ARHGEF4: variants seen among roughly 807,000 people sequenced by gnomAD.
ARHGEF4 encodes Rho guanine nucleotide exchange factor 4.
ARHGEF4 carries 119 observed loss-of-function variants against 162.0 expected under a neutral mutation model. That is an observed-to-expected ratio of 0.73 (90% CI 0.63 to 0.86). The LOEUF (loss-of-function observed/expected upper bound fraction) is 0.86. Ranked by LOEUF, ARHGEF4 falls within the 40% of genes least tolerant of loss-of-function variation. The pLI, the probability that ARHGEF4 is intolerant of heterozygous loss-of-function variation, is 0.00. For missense variants in ARHGEF4, 2,488 were observed against 2,456.0 expected, an observed-to-expected ratio of 1.01 and a Z score of -0.28; for synonymous variants, 1,014 against 979.9, an observed-to-expected ratio of 1.03 and a Z score of -0.65.
chr2:131,040,607 G>T (rs996642003), intron 8 of ARHGEF4, among the ~76,000 whole-genome samples, 167 bp downstream of exon 8: 1 of 152,216 alleles, frequency 6.6e-6, no homozygotes, highest in Admixed American at 6.5e-5. Context: ...ACAGTTTTAG[G>T]ATGGTCTCTG....
Position 131,045,456 on chromosome 2 carries a change from C to A in ARHGEF4, c.5479+10C>A, listed in dbSNP as rs773553420. The A allele has an allele frequency of 6.2e-7, 1 of 1,613,538 alleles. No homozygotes were observed. The highest frequency in any genetic ancestry group is 8.5e-7 in the Non-Finnish European group (1 of 1,179,992). On this transcript the variant is annotated intron_variant, in intron 13 of 13. Transcript: ENST00000409359. ...ACAGGGAAGCCCAAAGGTAGGCGGA[C>A]AGCAGCCCCACCTCCTCGGCTGCCC...
intron 4 of ARHGEF4, among the ~76,000 whole-genome samples, chr2:131,019,034 G>GT (rs1688930405): frequency 2.0e-5 from 3 of 152,020 alleles, no homozygotes; most frequent in Admixed American, 6.6e-5. Flanking sequence ...CTCCAACTTT[G>GT]TTTTTTTCAA....
intron 3 of ARHGEF4, 136 bp downstream of exon 3, chr2:130,931,393 C>T (rs1682625087): frequency 5.2e-6 from 5 of 959,458 alleles, no homozygotes; most frequent in Middle Eastern, 6.6e-4. Context: ...TGGATTACAG[C>T]ATGCTGCCTG....
Position 130,892,102 on chromosome 2 carries a change from C to T in ARHGEF4, c.40-21884C>T, listed in dbSNP as rs567298936. Reference sequence around the variant, plus strand: ...AGCTGGGATTACAGGCATGAGCTGCCGCACCAGCCTTATGTTAATATCTAA... The same window carrying T: ...AGCTGGGATTACAGGCATGAGCTGCTGCACCAGCCTTATGTTAATATCTAA... On this transcript the variant is annotated intron_variant, in intron 1 of 13. Coordinates refer to ENST00000409359, the MANE Select transcript of ARHGEF4 (RefSeq NM_001367493.1). Among the ~76,000 whole-genome samples, 156 of 152,186 alleles carry T rather than the reference C, an allele frequency of 1.0e-3. 3 individuals carry two copies. The highest frequency in any genetic ancestry group is 3.5e-3 in the African/African-American group (144 of 41,528).
intron 4 of ARHGEF4, among the ~76,000 whole-genome samples, chr2:131,023,675 A>G (rs1269786794): frequency 1.3e-5 from 2 of 152,202 alleles, no homozygotes; most frequent in Non-Finnish European, 2.9e-5. Flanking sequence ...GTAAAATAGC[A>G]CAACCACTCT....
intron 1 of ARHGEF4, among the ~76,000 whole-genome samples, chr2:130,908,643 T>C (rs1293231672): frequency 6.6e-6 from 1 of 151,834 alleles, no homozygotes; most frequent in Non-Finnish European, 1.5e-5. Context: ...GCCATTGCAC[T>C]CCAGCCCAGG....
At position 130,996,746 on chromosome 2, in the gene ARHGEF4, A is replaced by G. The variant is rs1687416768; in HGVS notation, c.3986-31199A>G. The stretch of plus-strand genomic sequence containing the variant: ...GTGACTTTTTCAGAGTGTGCGCACC[A>G]GTATACTCTCCACCAACAGCATGAG... On this transcript the variant is annotated intron_variant, in intron 4 of 13. Transcript: ENST00000409359. 2.0e-5 allele frequency among the ~76,000 whole-genome samples: 3 copies of G among 152,316 alleles called. No individual in the cohort carries two copies. The East Asian group carries it at 5.8e-4, about 29-fold the overall frequency.
intron 13 of ARHGEF4, chr2:131,045,708 T>C: frequency 6.9e-7 from 1 of 1,448,006 alleles, no homozygotes; most frequent in Non-Finnish European, 9.1e-7. Context: ...TTCCCCAGGG[T>C]TCCTTCCTGA....
chr2:130,846,868 G>A (rs1681010498), intron 1 of ARHGEF4, among the ~76,000 whole-genome samples: 1 of 152,130 alleles, frequency 6.6e-6, no homozygotes, highest in Admixed American at 6.5e-5. Flanking sequence ...TGGAAGTTGT[G>A]GGCCCCGGGG....
chr2:131,037,897 G>C (rs1318440270), intron 5 of ARHGEF4, among the ~76,000 whole-genome samples: 3 of 152,230 alleles, frequency 2.0e-5, no homozygotes, highest in African/African-American at 7.2e-5. Context: ...CACAGAGGTA[G>C]CAGCTGCAAA....
chr2:130,984,382 G>A (rs182723968), intron 4 of ARHGEF4, among the ~76,000 whole-genome samples: 19 of 152,172 alleles, frequency 1.2e-4, no homozygotes, highest in African/African-American at 3.1e-4. Flanking sequence ...GTGGCCAAAC[G>A]GTATTGCAAA....
intron 1 of ARHGEF4, among the ~76,000 whole-genome samples, chr2:130,864,958 G>C (rs1682163198): frequency 1.3e-5 from 2 of 152,212 alleles, no homozygotes; most frequent in Non-Finnish European, 1.5e-5. Flanking sequence ...ACATGGCTGT[G>C]TGTTCTGGGA....
chr2:130,895,125 G>A (rs115572856), intron 1 of ARHGEF4, among the ~76,000 whole-genome samples: 91 of 152,138 alleles, frequency 6.0e-4, no homozygotes, highest in African/African-American at 2.1e-3. Context: ...CCATTGCTCC[G>A]CCACTCACCG....
rs1348099950 is a variant in ARHGEF4 at position 130,864,211 on chromosome 2, AAAAG to A, written c.39+27220_39+27223del. ...AAAGAAAGAAAGAAAGAAAAAAAAA[AAAAG>A]GAGTGAGTTACTGACACATTCAGCA... On this transcript the variant is annotated intron_variant, in intron 1 of 13. Transcript: ENST00000409359. Among the ~76,000 whole-genome samples the A allele has an allele frequency of 5.1e-4, 75 of 147,876 alleles. 1 individual carries two copies. In the East Asian group the frequency reaches 8.3e-3, roughly 16 times the overall value.
At chr2:130,853,344 T>G (rs1574100772) in intron 1 of ARHGEF4, among the ~76,000 whole-genome samples, 1 of 152,196 alleles carries the variant, frequency 6.6e-6, no homozygotes, top group South Asian at 2.1e-4. Flanking sequence ...GGTCTCTGCC[T>G]TCTTTCCTGG....
At chr2:130,943,184 A>G (rs1447886841) in intron 3 of ARHGEF4, among the ~76,000 whole-genome samples, 1 of 151,702 alleles carries the variant, frequency 6.6e-6, no homozygotes, top group Non-Finnish European at 1.5e-5. Context: ...TGGTGAATTC[A>G]CTCTTATGAT....
chr2:131,045,293 G>A, intron 12 of ARHGEF4, 76 bp from the exon 13 acceptor site: 1 of 1,307,802 alleles, frequency 7.6e-7, no homozygotes, highest in Non-Finnish European at 1.1e-6. Context: ...TGGGCACCAG[G>A]AAGGTGCAGG....
At chr2:130,934,518 G>C (rs921541124) in intron 3 of ARHGEF4, among the ~76,000 whole-genome samples, 2 of 151,926 alleles carry the variant, frequency 1.3e-5, no homozygotes, top group Non-Finnish European at 2.9e-5. Flanking sequence ...ACTTGTCATA[G>C]ACCTGTTAAG....
chr2:130,878,512 G>A (rs546275856), intron 1 of ARHGEF4, among the ~76,000 whole-genome samples: 72 of 152,322 alleles, frequency 4.7e-4, no homozygotes, highest in African/African-American at 1.6e-3. Flanking sequence ...CACAGCTGAG[G>A]ACAGTCCCTT....
Sources: allele counts gnomAD v4.1 joint callset (sites outside exome capture counted in the v4.1 genomes callset), GRCh38; gene constraint gnomAD v4.1.1; transcripts MANE v1.5; gene names NCBI Gene and HGNC (gene_info 2026-07-23, HGNC 2026-07-21).